Variants in KANK1 observed in about 807,000 individuals in gnomAD.
KANK1 encodes the protein KN motif and ankyrin repeat domain-containing protein 1.
Under a neutral mutation model 106.2 loss-of-function variants are expected in KANK1, and 109 were observed. The ratio of observed to expected loss-of-function variants is 1.03; its 90% CI spans 0.88 to 1.20. KANK1 has a LOEUF of 1.20. Among genes scored for constraint, KANK1 ranks in the 50% most tolerant of loss-of-function variants. The probability of loss-of-function intolerance (pLI) is 0.00; values close to 1 mark genes in which losing one functional copy is unlikely to be tolerated. For missense variants in KANK1, 2,399 were observed against 1,710.7 expected (o/e 1.40, Z -7.10); for synonymous variants, 873 against 652.2 (o/e 1.34, Z -5.16).
chr9:560,636 T>G (rs191883369), intron 1 of KANK1, among the ~76,000 whole-genome samples: 1 of 152,356 alleles, frequency 6.6e-6, no homozygotes, highest in Admixed American at 6.5e-5. Flanking sequence ...TATCACCAGA[T>G]AAAATGTTTG....
chr9:571,209 C>G (rs542353088), intron 1 of KANK1, among the ~76,000 whole-genome samples: 2 of 152,254 alleles, frequency 1.3e-5, no homozygotes, highest in South Asian at 2.1e-4. Context: ...TGTCATATGT[C>G]TTCTCTGCAA....
intron 1 of KANK1, among the ~76,000 whole-genome samples, chr9:670,417 C>A (rs1845609162): frequency 6.6e-6 from 1 of 152,178 alleles, no homozygotes; most frequent in Non-Finnish European, 1.5e-5. Flanking sequence ...ATTTTTCCCG[C>A]TAGGTCACTG....
intron 1 of KANK1, among the ~76,000 whole-genome samples, chr9:581,395 A>G (rs551970483): frequency 2.6e-5 from 4 of 152,362 alleles, no homozygotes; most frequent in East Asian, 3.9e-4. Flanking sequence ...GCATGATACA[A>G]GAGCCTTCTC....
exon 1 of KANK1, chr9:470,307 G>A (rs572085094): frequency 6.6e-6 from 1 of 152,334 alleles, no homozygotes; most frequent in Non-Finnish European, 1.5e-5. Context: ...GGGTGTTTCG[G>A]GGCGTCCGAA....
chr9:518,347 A>AG (rs749349042), intron 1 of KANK1, among the ~76,000 whole-genome samples: 2 of 151,600 alleles, frequency 1.3e-5, no homozygotes, highest in Non-Finnish European at 2.9e-5. Flanking sequence ...CTCCGCTCCC[A>AG]GGCTGGGTTG....
intron 1 of KANK1, among the ~76,000 whole-genome samples, chr9:512,113 A>G (rs1008374007): frequency 1.3e-5 from 2 of 152,180 alleles, no homozygotes; most frequent in African/African-American, 2.4e-5. Context: ...ATTTGTCTTC[A>G]TGGCAACTAC....
intron 1 of KANK1, among the ~76,000 whole-genome samples, chr9:656,905 C>G (rs929416115): frequency 6.6e-6 from 1 of 152,076 alleles, no homozygotes; most frequent in Non-Finnish European, 1.5e-5. Flanking sequence ...GTGAAAAACA[C>G]ATAGCATAGA....
intron 1 of KANK1, among the ~76,000 whole-genome samples, chr9:622,981 T>G (rs1206594327): frequency 6.6e-6 from 1 of 152,088 alleles, no homozygotes. Context: ...GAAAAAAGCT[T>G]CTTGACATTG....
At chr9:668,414 C>T (rs572361190) in intron 1 of KANK1, among the ~76,000 whole-genome samples, 1 of 152,224 alleles carries the variant, frequency 6.6e-6, no homozygotes, top group South Asian at 2.1e-4. Flanking sequence ...TTCAGTCCAT[C>T]AAATGTATTA....
chr9:583,886 A>G (rs1162420951), intron 1 of KANK1, among the ~76,000 whole-genome samples: 1 of 152,132 alleles, frequency 6.6e-6, no homozygotes, highest in Non-Finnish European at 1.5e-5. Context: ...TATGCTAATC[A>G]AAATTTAAAA....
chr9:577,230 G>A (rs749946928), intron 1 of KANK1, among the ~76,000 whole-genome samples: 1 of 152,160 alleles, frequency 6.6e-6, no homozygotes, highest in Non-Finnish European at 1.5e-5. Context: ...ATTTGGCCCC[G>A]CCCACGTCCT....
At chr9:552,121 G>A (rs2061321644) in intron 1 of KANK1, among the ~76,000 whole-genome samples, 1 of 152,140 alleles carries the variant, frequency 6.6e-6, no homozygotes, top group African/African-American at 2.4e-5. Context: ...CGGCATTCTT[G>A]AGAAGTGACT....
At chr9:569,156 T>G (rs1818559156) in intron 1 of KANK1, among the ~76,000 whole-genome samples, 1 of 151,694 alleles carries the variant, frequency 6.6e-6, no homozygotes, top group African/African-American at 2.4e-5. Flanking sequence ...CCACCTGCCT[T>G]CCTTTCTTCC....
chr9:611,777 G>A (rs1054737603), intron 1 of KANK1, among the ~76,000 whole-genome samples: 1 of 152,070 alleles, frequency 6.6e-6, no homozygotes, highest in African/African-American at 2.4e-5. Context: ...GGAGTGCAGC[G>A]GTGCAGTCTC....
chr9:635,360 A>C lies in KANK1; in HGVS notation c.-83-41530A>C, dbSNP rs796298475. 5.3e-5 allele frequency among the ~76,000 whole-genome samples: 8 copies of C among 152,188 alleles called. 1 individual carries two copies. The highest frequency in any genetic ancestry group is 1.9e-4 in the African/African-American group (8 of 41,512). On this transcript the variant is annotated intron_variant, in intron 1 of 11. Transcript: ENST00000382297. The stretch of plus-strand genomic sequence containing the variant: ...CCTTTGCCACCTGTGTGAAGGTCAT[A>C]TCTCTCTAGCTGGACCCTGAGGTCC...
At chr9:491,026 C>A (rs2058370561) in intron 3 of KANK1, among the ~76,000 whole-genome samples, 2 of 146,946 alleles carry the variant, frequency 1.4e-5, no homozygotes, top group South Asian at 4.4e-4. Flanking sequence ...GTGGTACAAC[C>A]ATGGCTCACT....
At chr9:475,346 G>A (rs1295776825) in intron 3 of KANK1, among the ~76,000 whole-genome samples, 1 of 152,196 alleles carries the variant, frequency 6.6e-6, no homozygotes, top group African/African-American at 2.4e-5. Context: ...GGGAAGAATT[G>A]GGAGAAGTAA....
Position 487,184 on chromosome 9 carries a change from C to G in KANK1, c.-362+13911C>G, listed in dbSNP as rs1242564642. ...CTGCTCCTGCAAATACAGACAGTTC[C>G]CAACTTACAATGGTTTGGCTTATGG... On this transcript the variant is annotated intron_variant, in intron 3 of 15. Coordinates refer to the KANK1 transcript ENST00000382303. Among the ~76,000 whole-genome samples the G allele has an allele frequency of 5.3e-5, 8 of 152,258 alleles. 1 individual carries two copies. The highest frequency in any genetic ancestry group is 1.9e-4 in the African/African-American group (8 of 41,558).
intron 1 of KANK1, among the ~76,000 whole-genome samples, chr9:631,423 C>G (rs1470558636): frequency 6.6e-6 from 1 of 152,168 alleles, no homozygotes; most frequent in African/African-American, 2.4e-5. Flanking sequence ...TGAGGACCAT[C>G]AACTATACCC....
Sources: gnomAD v4.1 joint callset for allele counts (sites outside exome capture counted in the v4.1 genomes callset) on GRCh38, gnomAD v4.1.1 for gene constraint, MANE v1.5 for transcripts, NCBI Gene and HGNC (gene_info 2026-07-23, HGNC 2026-07-21) for gene names.